AGBL4: variants seen among roughly 807,000 people sequenced by gnomAD.
AGBL4 encodes cytosolic carboxypeptidase 6.
In AGBL4, 58 loss-of-function variants were observed where a neutral mutation model predicts 66.4. The ratio of observed to expected loss-of-function variants is 0.87; its 90% CI spans 0.71 to 1.09. The LOEUF is 1.09. Ranked by LOEUF, AGBL4 falls within the 50% of genes least tolerant of loss-of-function variation. The pLI is 0.00. For missense variants in AGBL4, 579 were observed against 631.0 expected (o/e 0.92, Z 0.88); for synonymous variants, 234 against 222.9 (o/e 1.05, Z -0.44).
chr1:49,835,129 T>C (rs1645812246), intron 2 of AGBL4, among the ~76,000 whole-genome samples: 1 of 152,142 alleles, frequency 6.6e-6, no homozygotes, highest in South Asian at 2.1e-4. Context: ...AATATCCTTG[T>C]TAATTTTCTG....
At chr1:49,372,621 T>A (rs1195730341) in intron 3 of AGBL4, among the ~76,000 whole-genome samples, 1 of 86,558 alleles carries the variant, frequency 1.2e-5, no homozygotes, top group South Asian at 3.6e-4. Flanking sequence ...CTTTCTTTCT[T>A]TCTTTCTTTC....
At chr1:49,597,903 A>C (rs963185266) in intron 3 of AGBL4, among the ~76,000 whole-genome samples, 1 of 152,182 alleles carries the variant, frequency 6.6e-6, no homozygotes, top group Non-Finnish European at 1.5e-5. Context: ...TTATCATCCT[A>C]AGAAGATTTT....
intron 5 of AGBL4, among the ~76,000 whole-genome samples, chr1:48,989,657 C>T (rs1040164029): frequency 2.0e-5 from 3 of 152,090 alleles, no homozygotes; most frequent in Non-Finnish European, 4.4e-5. Context: ...CTTATTTCAC[C>T]TAACATTATG....
At chr1:49,361,188 T>C (rs188343254) in intron 3 of AGBL4, among the ~76,000 whole-genome samples, 1 of 152,324 alleles carries the variant, frequency 6.6e-6, no homozygotes, top group Admixed American at 6.5e-5. Context: ...TATTTCTTAA[T>C]ATTCTAAAAT....
intron 3 of AGBL4, among the ~76,000 whole-genome samples, chr1:49,246,270 G>A (rs1324039988): frequency 6.6e-6 from 1 of 151,934 alleles, no homozygotes; most frequent in African/African-American, 2.4e-5. Context: ...ATAAGTTTTA[G>A]TTATTAAGTG....
chr1:49,712,779 T>C (rs890271760), intron 2 of AGBL4, among the ~76,000 whole-genome samples: 3 of 151,968 alleles, frequency 2.0e-5, no homozygotes, highest in African/African-American at 7.2e-5. Context: ...GAATCTCAGC[T>C]CTACCACTTA....
chr1:49,894,207 C>T (rs1469853884), intron 1 of AGBL4, among the ~76,000 whole-genome samples: 3 of 152,158 alleles, frequency 2.0e-5, no homozygotes, highest in African/African-American at 4.8e-5. Flanking sequence ...TAGATCACAA[C>T]ACTGAAGTCC....
intron 1 of AGBL4, among the ~76,000 whole-genome samples, chr1:49,878,804 T>A (rs1365165820): frequency 7.2e-6 from 1 of 139,702 alleles, no homozygotes; most frequent in African/African-American, 2.8e-5. Context: ...TAAGTCTCTT[T>A]GTAGGTCACT....
chr1:49,973,326 G>A (rs1472173014), intron 1 of AGBL4, among the ~76,000 whole-genome samples: 1 of 152,082 alleles, frequency 6.6e-6, no homozygotes, highest in African/African-American at 2.4e-5. Flanking sequence ...GTTTAATATG[G>A]TAGCTACTAC....
intron 4 of AGBL4, among the ~76,000 whole-genome samples, chr1:49,131,271 G>A (rs1228951853): frequency 1.3e-5 from 2 of 152,164 alleles, no homozygotes; most frequent in East Asian, 1.9e-4. Flanking sequence ...AGGCACAAAA[G>A]GACTTTTGGG....
chr1:48,928,981 A>G (rs1284581494), intron 5 of AGBL4, among the ~76,000 whole-genome samples: 1 of 152,108 alleles, frequency 6.6e-6, no homozygotes, highest in African/African-American at 2.4e-5. Flanking sequence ...CAAGAGCCCC[A>G]TTCTGAACCC....
intron 3 of AGBL4, among the ~76,000 whole-genome samples, chr1:49,562,636 T>A (rs1191661162): frequency 6.6e-6 from 1 of 152,130 alleles, no homozygotes; most frequent in East Asian, 1.9e-4. Context: ...TGGCATTATT[T>A]CTGAGGGCTC....
At chr1:49,504,893 T>A (rs1308957272) in intron 3 of AGBL4, among the ~76,000 whole-genome samples, 2 of 152,032 alleles carry the variant, frequency 1.3e-5, no homozygotes, top group African/African-American at 2.4e-5. Flanking sequence ...TGTTGTTTTA[T>A]TATTATTATT....
chr1:49,867,535 T>G (rs951451655), intron 1 of AGBL4, among the ~76,000 whole-genome samples: 2 of 129,144 alleles, frequency 1.5e-5, no homozygotes, highest in African/African-American at 2.9e-5. Context: ...TTCCCCTTCC[T>G]GTGTCCAAGT....
chr1:49,347,700 A>T (rs557641478), intron 3 of AGBL4, among the ~76,000 whole-genome samples: 47 of 151,690 alleles, frequency 3.1e-4, no homozygotes, highest in African/African-American at 1.1e-3. Flanking sequence ...TCTACTAAAA[A>T]TACAAAAAAA....
At chr1:49,289,553 T>G (rs1644494957) in intron 3 of AGBL4, among the ~76,000 whole-genome samples, 1 of 152,242 alleles carries the variant, frequency 6.6e-6, no homozygotes, top group South Asian at 2.1e-4. Flanking sequence ...AGTGGTTACA[T>G]GTCTGTGTTC....
chr1:49,961,740 T>C (rs1170575686), intron 1 of AGBL4, among the ~76,000 whole-genome samples: 1 of 152,114 alleles, frequency 6.6e-6, no homozygotes, highest in Admixed American at 6.6e-5. Context: ...AACTAAATAA[T>C]GGTTCAATCA....
intron 2 of AGBL4, among the ~76,000 whole-genome samples, chr1:49,769,933 C>T (rs1644006476): frequency 6.6e-6 from 1 of 152,066 alleles, no homozygotes; most frequent in Admixed American, 6.5e-5. Context: ...TCATCAAAAG[C>T]AATTGCAACA....
chr1:49,232,123 A>T (rs1053974599), intron 4 of AGBL4, among the ~76,000 whole-genome samples: 1 of 151,932 alleles, frequency 6.6e-6, no homozygotes, highest in Non-Finnish European at 1.5e-5. Context: ...CACTGGGGGG[A>T]GTGATGAAAA....
Sources: gnomAD v4.1 joint callset for allele counts (sites outside exome capture counted in the v4.1 genomes callset) on GRCh38, gnomAD v4.1.1 for gene constraint, MANE v1.5 for transcripts, NCBI Gene and HGNC (gene_info 2026-07-23, HGNC 2026-07-21) for gene names.